Variants in XYLT1 observed in about 807,000 individuals in gnomAD.
XYLT1 encodes beta-D-xylosyltransferase 1.
XYLT1 carries 36 observed loss-of-function variants against 91.3 expected under a neutral mutation model. The ratio of observed to expected loss-of-function variants is 0.39; its 90% CI spans 0.30 to 0.52. The LOEUF is 0.52. Ranked by LOEUF, XYLT1 falls within the 20% of genes least tolerant of loss-of-function variation. The probability of loss-of-function intolerance (pLI) is 0.68; values close to 1 mark genes in which losing one functional copy is unlikely to be tolerated. For synonymous variants in XYLT1, 588 were observed against 532.0 expected (o/e 1.11, Z -1.45); for missense variants, 1,242 against 1,284.5 (o/e 0.97, Z 0.51).
chr16:17,151,251 C>A (rs2031275820), intron 6 of XYLT1, among the ~76,000 whole-genome samples: 1 of 152,124 alleles, frequency 6.6e-6, no homozygotes, highest in African/African-American at 2.4e-5. Flanking sequence ...CATGGCGAAA[C>A]CCCATCTCTA....
At chr16:17,372,289 A>C in intron 1 of XYLT1, among the ~76,000 whole-genome samples, 1 of 152,342 alleles carries the variant, frequency 6.6e-6, no homozygotes, top group Middle Eastern at 3.4e-3. Flanking sequence ...AGGGACAATT[A>C]TCTTATTACT....
chr16:17,340,537 T>C (rs1480476409), intron 2 of XYLT1, among the ~76,000 whole-genome samples: 9 of 152,224 alleles, frequency 5.9e-5, no homozygotes. Flanking sequence ...CATTACCAAT[T>C]ACACAAACTG....
At chr16:17,227,612 C>T (rs937322834) in intron 3 of XYLT1, 1 of 152,270 alleles carries the variant, frequency 6.6e-6, no homozygotes, top group African/African-American at 2.4e-5. Flanking sequence ...GAGGCTCAAG[C>T]TGCAATGTAT....
chr16:17,456,680 C>T (rs1224416129), intron 1 of XYLT1, among the ~76,000 whole-genome samples: 1 of 152,152 alleles, frequency 6.6e-6, no homozygotes, highest in Non-Finnish European at 1.5e-5. Context: ...TGAAGAAAAC[C>T]TAATGGGAGT....
chr16:17,131,986 G>A (rs761121110), intron 9 of XYLT1, among the ~76,000 whole-genome samples: 17 of 151,278 alleles, frequency 1.1e-4, no homozygotes, highest in African/African-American at 2.9e-4. Flanking sequence ...TTCCTGGCTC[G>A]AGGCAACGTG....
At chr16:17,215,078 G>T (rs997672919) in intron 3 of XYLT1, among the ~76,000 whole-genome samples, 1 of 152,160 alleles carries the variant, frequency 6.6e-6, no homozygotes, top group Non-Finnish European at 1.5e-5. Context: ...AAGTTGGGCC[G>T]AGTGTGGCGG....
chr16:17,340,825 T>C lies in XYLT1; in HGVS notation c.402+17187A>G, dbSNP rs1029668871. Among the ~76,000 whole-genome samples, 4 of 152,220 alleles carry C rather than the reference T, an allele frequency of 2.6e-5. 1 individual carries two copies. Among genetic ancestry groups the C allele is most frequent in the Admixed American group, 1.3e-4 (2 of 15,274 alleles). The stretch of plus-strand genomic sequence containing the variant: ...AATTTTTAGCCATCATTATCCATCA[T>C]TTCCTCCAAGGAGGCAGACAATCAG... On this transcript the variant is annotated intron_variant, in intron 2 of 11. Coordinates refer to ENST00000261381, the MANE Select transcript of XYLT1 (RefSeq NM_022166.4).
intron 1 of XYLT1, among the ~76,000 whole-genome samples, chr16:17,457,765 T>C (rs2036764012): frequency 6.6e-6 from 1 of 152,114 alleles, no homozygotes; most frequent in African/African-American, 2.4e-5. Flanking sequence ...TAAAAGAAAG[T>C]GCAAAAGAGA....
Position 17,323,962 on chromosome 16 carries a change from C to T in XYLT1, c.402+34050G>A, listed in dbSNP as rs550446595. On this transcript the variant is annotated intron_variant, in intron 2 of 11. Coordinates refer to ENST00000261381, the MANE Select transcript of XYLT1 (RefSeq NM_022166.4). ...CCAACTTCAGATCTAAAATGCAACCCGTATCTACTAAAGTATGAAACAGAC... is the reference window on the plus strand; with the variant it reads ...CCAACTTCAGATCTAAAATGCAACCTGTATCTACTAAAGTATGAAACAGAC... Among the ~76,000 whole-genome samples the T allele has an allele frequency of 4.6e-5, 7 of 152,262 alleles. No individual in the cohort carries two copies. The South Asian group carries it at 1.2e-3, about 27-fold the overall frequency.
chr16:17,134,359 A>C (rs569755413), intron 9 of XYLT1, 114 bp downstream of exon 9: 1 of 1,380,916 alleles, frequency 7.2e-7, no homozygotes, highest in South Asian at 1.4e-5. Flanking sequence ...GAGAGAAAGC[A>C]TAGGGTGGCA....
intron 5 of XYLT1, among the ~76,000 whole-genome samples, chr16:17,185,023 C>G (rs556873113): frequency 6.6e-6 from 1 of 152,224 alleles, no homozygotes; most frequent in Non-Finnish European, 1.5e-5. Flanking sequence ...CCATAGACCA[C>G]TCTTGGCTTT....
rs1421584136 is a variant in XYLT1, at chr16:17,127,754, A to T, written c.2135T>A (p.Leu712Gln). The T allele has an allele frequency of 6.2e-7, 1 of 1,614,172 alleles. No individual in the cohort carries two copies. Among genetic ancestry groups the T allele is most frequent in the Admixed American group, 1.7e-5 (1 of 60,016 alleles). ...CATCACCCAGGTCTCCAGAGTCTCTAGTTTGCTCACAGCCAGATTGGTAGC... is the reference window on the plus strand; with the variant it reads ...CATCACCCAGGTCTCCAGAGTCTCTTGTTTGCTCACAGCCAGATTGGTAGC... ...HHATNLAVSK[L>Q]ETLETWVMPK... Residue 712 changes from leucine to glutamine, a missense_variant, in exon 10 of 12, where the codon CTA becomes CAA. Leu to Gln is a moderately radical substitution (Grantham distance 113). This residue lies in a region of XYLT1 where 511 missense variants were observed against 497.0 expected (regional missense o/e 1.03). Transcript: ENST00000261381.
At chr16:17,258,949 CAGG>C in intron 3 of XYLT1, 36 bp downstream of exon 3, 1 of 1,476,664 alleles carries the variant, frequency 6.8e-7, no homozygotes, top group Non-Finnish European at 9.0e-7. Context: ...AGGAAGTGGC[CAGG>C]AGATCCCTCT....
At chr16:17,280,878 A>G (rs937144374) in intron 2 of XYLT1, among the ~76,000 whole-genome samples, 2 of 152,142 alleles carry the variant, frequency 1.3e-5, no homozygotes, top group African/African-American at 4.8e-5. Flanking sequence ...CCCTCAGGTA[A>G]CATGATGCAG....
At position 17,428,829 on chromosome 16, in the gene XYLT1, G is replaced by A. The variant is rs561591544; in HGVS notation, c.363+41605C>T. On this transcript the variant is annotated intron_variant, in intron 1 of 11. Coordinates refer to ENST00000261381, the MANE Select transcript of XYLT1 (RefSeq NM_022166.4). ...TAACAATCTTTCAGAGAGGGAGGAG[G>A]AAAGAAATTACAGCAAATGTTCCTT... 1.2e-3 allele frequency among the ~76,000 whole-genome samples: 187 copies of A among 152,256 alleles called. 3 individuals are homozygous for A. Among genetic ancestry groups the A allele is most frequent in the Non-Finnish European group, 9.4e-4 (64 of 68,020 alleles).
chr16:17,298,251 G>A (rs36040576), intron 2 of XYLT1, among the ~76,000 whole-genome samples: 21,587 of 152,054 alleles, frequency 0.14, 1,769 homozygotes, highest in South Asian at 0.21. Context: ...TAGTGGGGGC[G>A]AGGGAATGGG....
intron 1 of XYLT1, among the ~76,000 whole-genome samples, chr16:17,415,830 G>A (rs1314484809): frequency 6.6e-6 from 1 of 152,172 alleles, no homozygotes; most frequent in Non-Finnish European, 1.5e-5. Context: ...TCAGACACAC[G>A]GGAAGTGTTG....
At chr16:17,234,316 C>T (rs2033212517) in intron 3 of XYLT1, among the ~76,000 whole-genome samples, 1 of 152,190 alleles carries the variant, frequency 6.6e-6, no homozygotes. Context: ...AATCATCCCT[C>T]CATTTCAGCT....
At chr16:17,232,715 G>A (rs909971350) in intron 3 of XYLT1, among the ~76,000 whole-genome samples, 6 of 151,710 alleles carry the variant, frequency 4.0e-5, no homozygotes, top group Non-Finnish European at 2.9e-5. Context: ...ATTCTGATGG[G>A]GGCGGCAGTG....
Sources: allele counts gnomAD v4.1 joint callset (sites outside exome capture counted in the v4.1 genomes callset), GRCh38; gene constraint gnomAD v4.1.1; regional missense constraint gnomAD v4.1.1; transcripts MANE v1.5; gene names NCBI Gene and HGNC (gene_info 2026-07-23, HGNC 2026-07-21).